Variants in CACNG2 observed in about 807,000 individuals in gnomAD.
CACNG2 encodes calcium voltage-gated channel auxiliary subunit gamma 2, also known as voltage-dependent calcium channel gamma-2 subunit.
A neutral mutation model predicts 25.9 loss-of-function variants in CACNG2; 3 were observed. The ratio of observed to expected loss-of-function variants is 0.12; its 90% CI spans 0.05 to 0.30. The LOEUF (loss-of-function observed/expected upper bound fraction) is 0.30. Ranked by LOEUF, CACNG2 falls within the 10% of genes least tolerant of loss-of-function variation. The pLI, the probability that CACNG2 is intolerant of heterozygous loss-of-function variation, is 1.00. For missense variants in CACNG2, 341 were observed against 432.5 expected (o/e 0.79, Z 1.88); for synonymous variants, 167 against 173.3 (o/e 0.96, Z 0.29).
chr22:36,694,413 A>G (rs1369646008), intron 1 of CACNG2, among the ~76,000 whole-genome samples: 1 of 152,210 alleles, frequency 6.6e-6, no homozygotes, highest in Non-Finnish European at 1.5e-5. Flanking sequence ...AGGCCATCGC[A>G]GCTCACCAGC....
At chr22:36,587,684 C>T (rs1178014042) in intron 1 of CACNG2, 136 bp from the exon 2 acceptor site, 4 of 751,218 alleles carry the variant, frequency 5.3e-6, no homozygotes, top group Non-Finnish European at 9.8e-6. Flanking sequence ...GAAGGTTTCG[C>T]TTTGTCCGTT....
At chr22:36,616,244 A>T (rs1936020499) in intron 1 of CACNG2, among the ~76,000 whole-genome samples, 1 of 152,256 alleles carries the variant, frequency 6.6e-6, no homozygotes. Context: ...TGCCTGATAC[A>T]TACTAAGAAC....
At chr22:36,634,303 A>C (rs538735935) in intron 1 of CACNG2, among the ~76,000 whole-genome samples, 4 of 152,192 alleles carry the variant, frequency 2.6e-5, no homozygotes, top group Non-Finnish European at 1.5e-5. Flanking sequence ...TTCTAAGCCT[A>C]CCCATTACAG....
intron 1 of CACNG2, among the ~76,000 whole-genome samples, chr22:36,699,378 T>A (rs976298662): frequency 2.0e-5 from 3 of 152,138 alleles, no homozygotes; most frequent in Non-Finnish European, 4.4e-5. Context: ...GTCATGTATC[T>A]TCTCATTCTT....
At chr22:36,595,913 G>A (rs1243788869) in intron 1 of CACNG2, among the ~76,000 whole-genome samples, 2 of 152,238 alleles carry the variant, frequency 1.3e-5, no homozygotes, top group Non-Finnish European at 2.9e-5. Context: ...AGTTTACCAT[G>A]TCAGGCTGGG....
intron 1 of CACNG2, among the ~76,000 whole-genome samples, chr22:36,613,056 A>G (rs548698012): frequency 6.6e-6 from 1 of 152,288 alleles, no homozygotes; most frequent in South Asian, 2.1e-4. Context: ...TCCTTACCTC[A>G]GGGCTTTTCT....
At chr22:36,647,748 C>G (rs1569039915) in intron 1 of CACNG2, among the ~76,000 whole-genome samples, 1 of 152,250 alleles carries the variant, frequency 6.6e-6, no homozygotes, top group Non-Finnish European at 1.5e-5. Context: ...TTTCCTTGCT[C>G]CCCTTTTACA....
chr22:36,639,864 T>C (rs544876743), intron 1 of CACNG2, among the ~76,000 whole-genome samples: 1 of 152,290 alleles, frequency 6.6e-6, no homozygotes, highest in Non-Finnish European at 1.5e-5. Flanking sequence ...CCTGAGGCCC[T>C]GTCATCTGTC....
intron 1 of CACNG2, among the ~76,000 whole-genome samples, chr22:36,694,071 C>T (rs545982180): frequency 8.5e-5 from 13 of 152,314 alleles, no homozygotes; most frequent in African/African-American, 1.9e-4. Flanking sequence ...ACATTCTGCT[C>T]TATGCTGCTT....
At chr22:36,657,399 T>C (rs1018452880) in intron 1 of CACNG2, among the ~76,000 whole-genome samples, 4 of 152,012 alleles carry the variant, frequency 2.6e-5, no homozygotes, top group South Asian at 2.1e-4. Flanking sequence ...AGGAAAACAG[T>C]CCCAGCCCTG....
intron 1 of CACNG2, among the ~76,000 whole-genome samples, chr22:36,666,975 G>C (rs5756283): frequency 1.3e-5 from 2 of 149,088 alleles, no homozygotes; most frequent in Non-Finnish European, 3.0e-5. Context: ...TGACTCACAC[G>C]CAACATGGGA....
intron 1 of CACNG2, among the ~76,000 whole-genome samples, chr22:36,605,318 A>G (rs916422291): frequency 2.0e-5 from 3 of 151,856 alleles, no homozygotes; most frequent in Non-Finnish European, 2.9e-5. Context: ...CAAGTGATTC[A>G]CCCACCTTGG....
At chr22:36,567,998 TACC>T (rs1235684960) in intron 2 of CACNG2, among the ~76,000 whole-genome samples, 5 of 151,872 alleles carry the variant, frequency 3.3e-5, no homozygotes, top group Admixed American at 3.3e-4. Flanking sequence ...TACAGGCGTG[TACC>T]ACCATGCTTG....
At chr22:36,589,148 G>T (rs1234471321) in intron 1 of CACNG2, among the ~76,000 whole-genome samples, 3 of 151,842 alleles carry the variant, frequency 2.0e-5, no homozygotes, top group Admixed American at 1.3e-4. Context: ...ATACCAACAT[G>T]CCCAGCTAAT....
chr22:36,581,229 C>A (rs1285122633), intron 2 of CACNG2, among the ~76,000 whole-genome samples: 1 of 152,160 alleles, frequency 6.6e-6, no homozygotes. Context: ...CCATATTGGT[C>A]ATGGCTTTAT....
At chr22:36,581,702 C>G (rs559380347) in intron 2 of CACNG2, among the ~76,000 whole-genome samples, 2 of 152,328 alleles carry the variant, frequency 1.3e-5, no homozygotes, top group Admixed American at 1.3e-4. Context: ...AGCTTAGTGT[C>G]TGGGCTTCTC....
intron 1 of CACNG2, among the ~76,000 whole-genome samples, chr22:36,592,124 G>A (rs2145925421): frequency 6.6e-6 from 1 of 151,812 alleles, no homozygotes; most frequent in South Asian, 2.1e-4. Context: ...TTTGTGAGGT[G>A]AGTGCAACAG....
At chr22:36,565,755 G>T (rs1242370267) in intron 3 of CACNG2, among the ~76,000 whole-genome samples, 1 of 152,222 alleles carries the variant, frequency 6.6e-6, no homozygotes, top group Non-Finnish European at 1.5e-5. Context: ...CTCCCAAAGT[G>T]CTGGGATTGC....
intron 1 of CACNG2, among the ~76,000 whole-genome samples, chr22:36,627,612 A>G (rs1187847135): frequency 6.7e-6 from 1 of 149,190 alleles, no homozygotes; most frequent in Non-Finnish European, 1.5e-5. Flanking sequence ...CATGGAGACC[A>G]CTCAAAAGCA....
Sources: gnomAD v4.1 joint callset for allele counts (sites outside exome capture counted in the v4.1 genomes callset) on GRCh38, gnomAD v4.1.1 for gene constraint, MANE v1.5 for transcripts, NCBI Gene and HGNC (gene_info 2026-07-23, HGNC 2026-07-21) for gene names.